Variants in GGA1 observed in about 807,000 individuals in gnomAD.
GGA1 encodes golgi associated, gamma adaptin ear containing, ARF binding protein 1, also known as ADP-ribosylation factor-binding protein GGA1.
In GGA1, 18 loss-of-function variants were observed where a neutral mutation model predicts 76.9. The observed-to-expected ratio is 0.23, with a 90% CI of 0.16 to 0.35. The LOEUF is 0.35. Ranked by LOEUF, GGA1 falls within the 10% of genes least tolerant of loss-of-function variation. The pLI is 1.00. For missense variants in GGA1, 755 were observed against 859.0 expected (o/e 0.88, Z 1.51); for synonymous variants, 342 against 354.7 (o/e 0.96, Z 0.40).
intron 11 of GGA1, chr22:37,626,660 CTG>C (rs1166159008): frequency 6.6e-6 from 1 of 152,258 alleles, no homozygotes; most frequent in Non-Finnish European, 1.5e-5. Flanking sequence ...AAGATTCAGA[CTG>C]TGGTTTCCTG....
chr22:37,617,639 C>T, intron 3 of GGA1: 1 of 681,924 alleles, frequency 1.5e-6, no homozygotes, highest in Non-Finnish European at 1.8e-6. Flanking sequence ...TTCAAGGCTA[C>T]AGTGAGCTAT....
intron 3 of GGA1, chr22:37,617,881 G>T (rs1029725966): frequency 5.3e-6 from 2 of 374,204 alleles, no homozygotes; most frequent in African/African-American, 4.4e-5. Flanking sequence ...CAGCACTTTG[G>T]CAGGCTGAGG....
At chr22:37,609,089 G>A in intron 1 of GGA1, 186 bp downstream of exon 1, 1 of 1,491,160 alleles carries the variant, frequency 6.7e-7, no homozygotes, top group Middle Eastern at 1.8e-4. Flanking sequence ...CCCCGGCGCG[G>A]TCCAGCGGTG....
Position 37,623,813 on chromosome 22 carries a change from T to C in GGA1, c.832+180T>C, listed in dbSNP as rs1256589560. On this transcript the variant is annotated intron_variant, in intron 9 of 16. Transcript: ENST00000343632. This position sits in a 1 kb window ranked among gnomAD's most constrained non-coding sequence, Gnocchi z 4.6. ...GGACACAGAGCAGGGGCCGCCCCCC[T>C]GTTGAGAGGCCCTGTGGGCCAGCCC... The C allele has an allele frequency of 6.8e-6, 4 of 585,140 alleles. No individual in the cohort carries two copies. Among genetic ancestry groups the C allele is most frequent in the African/African-American group, 1.9e-5 (1 of 53,232 alleles). 36.2% of individuals were successfully genotyped at this position (585,140 alleles called of 1,614,324 possible).
rs1483460229 is a variant in GGA1 at position 37,623,752 on chromosome 22, C to G, written c.832+119C>G. On this transcript the variant is annotated intron_variant, in intron 9 of 16. Coordinates refer to ENST00000343632, the MANE Select transcript of GGA1 (RefSeq NM_013365.5). This position sits in a 1 kb window ranked among gnomAD's most constrained non-coding sequence, Gnocchi z 4.6. ...GAAGGAGCCACCACCAGGGGGCCCC[C>G]TTCTCCAGCACCGACCTTGGGTTTC... 1 of 710,024 alleles carries G rather than the reference C, an allele frequency of 1.4e-6. No individual in the cohort carries two copies. The highest frequency in any genetic ancestry group is 2.5e-6 in the Non-Finnish European group (1 of 407,754). 44.0% of individuals were successfully genotyped at this position (710,024 alleles called of 1,614,324 possible). A position where few individuals can be genotyped will look rare whatever the true frequency, so the allele number is the denominator to read the frequency against.
Position 37,624,476 on chromosome 22 carries a change from A to G in GGA1, c.833-493A>G, listed in dbSNP as rs1026566183. The G allele has an allele frequency of 2.6e-5, 4 of 151,976 alleles. No individual in the cohort carries two copies. Among genetic ancestry groups the G allele is most frequent in the East Asian group, 3.8e-4 (2 of 5,198 alleles). The allele number at this position is 151,976 out of a possible 1,614,324, so 9.4% of individuals were successfully genotyped here. On this transcript the variant is annotated intron_variant, in intron 9 of 16. Coordinates refer to ENST00000343632, the MANE Select transcript of GGA1 (RefSeq NM_013365.5). This position sits in a 1 kb window ranked among gnomAD's most constrained non-coding sequence, Gnocchi z 4.3. ...TTAAAAAAAAAAAAAAAAGGTTGACAAAAACTTCCTCATGGTAGTTTAGTG... is the reference window on the plus strand; with the variant it reads ...TTAAAAAAAAAAAAAAAAGGTTGACGAAAACTTCCTCATGGTAGTTTAGTG...
rs1601541415 is a variant in GGA1 at position 37,624,598 on chromosome 22, G to A, written c.833-371G>A. On this transcript the variant is annotated intron_variant, in intron 9 of 16. Coordinates refer to ENST00000343632, the MANE Select transcript of GGA1 (RefSeq NM_013365.5). This position sits in a 1 kb window ranked among gnomAD's most constrained non-coding sequence, Gnocchi z 4.3. ...AGAAGCAGGGAAGGGATGAGGTGGT[G>A]CAGGAGGGATTTAGGACAGGCCTCC... is the stretch of plus-strand genomic sequence containing the variant. 4.8e-6 allele frequency: 1 copy of A among 206,510 alleles called. No individual in the cohort carries two copies. Among genetic ancestry groups the A allele is most frequent in the East Asian group, 1.1e-4 (1 of 9,260 alleles). 12.8% of individuals were successfully genotyped at this position (206,510 alleles called of 1,614,324 possible).
intron 1 of GGA1, 188 bp downstream of exon 1, chr22:37,609,091 C>T (rs1251425068): frequency 1.3e-6 from 2 of 1,491,754 alleles, no homozygotes; most frequent in South Asian, 2.5e-5. Context: ...CCGGCGCGGT[C>T]CAGCGGTGGG....
At chr22:37,617,120 C>G (rs1010884964) in intron 3 of GGA1, 123 bp downstream of exon 3, 42 of 1,520,478 alleles carry the variant, frequency 2.8e-5, no homozygotes, top group Admixed American at 4.6e-5. Flanking sequence ...TAAGATGGCC[C>G]AGGATGGAGG....
chr22:37,613,204 C>G (rs923403131), intron 1 of GGA1: 2 of 972,968 alleles, frequency 2.1e-6, no homozygotes, highest in African/African-American at 1.8e-5. Context: ...AAGACTCACA[C>G]TCCTTACTGA....
Position 37,632,180 on chromosome 22 carries a change from G to T in GGA1, c.1698+15G>T. 1.2e-6 allele frequency: 2 copies of T among 1,603,162 alleles called. No individual in the cohort carries two copies. Among genetic ancestry groups the T allele is most frequent in the Non-Finnish European group, 1.7e-6 (2 of 1,171,962 alleles). ...CTGTCCCCAAGGTGACAAGCCAGTCGGACAGGGCATGCCTCCCTCCTCTCA... is the reference window on the plus strand; with the variant it reads ...CTGTCCCCAAGGTGACAAGCCAGTCTGACAGGGCATGCCTCCCTCCTCTCA... On this transcript the variant is annotated intron_variant, in intron 15 of 16. Transcript: ENST00000343632. This position sits in a 1 kb window ranked among gnomAD's most constrained non-coding sequence, Gnocchi z 5.1.
In GGA1 at chr22:37,625,687, A is replaced by G; in HGVS notation, c.941-110A>G. 1 of 778,492 alleles carries G rather than the reference A, an allele frequency of 1.3e-6. No individual in the cohort carries two copies. The allele number at this position is 778,492 out of a possible 1,614,324, so 48.2% of individuals were successfully genotyped here. On this transcript the variant is annotated intron_variant, in intron 10 of 16. Transcript: ENST00000343632. This position sits in a 1 kb window ranked among gnomAD's most constrained non-coding sequence, Gnocchi z 4.1. ...GTGTGGCCAAGGAAGGGGAGGCAGGAGACCAGTGGTAAAGCATCGGGGGTT... is the reference window on the plus strand; with the variant it reads ...GTGTGGCCAAGGAAGGGGAGGCAGGGGACCAGTGGTAAAGCATCGGGGGTT...
intron 4 of GGA1, 133 bp downstream of exon 4, chr22:37,618,679 A>C: frequency 8.2e-6 from 5 of 611,714 alleles, no homozygotes; most frequent in Non-Finnish European, 1.2e-5. Context: ...ATTAGAACTC[A>C]GACCTAGGAA....
At chr22:37,612,772 C>CA (rs760463178) in intron 1 of GGA1, 15,804 of 248,412 alleles carry the variant, frequency 0.064, 62 homozygotes, top group Non-Finnish European at 0.071. Context: ...AGACTCGTCT[C>CA]AAAAAAAAAA....
Position 37,630,056 on chromosome 22 carries a change from G to T in GGA1, c.1217G>T (p.Ser406Ile). The T allele has an allele frequency of 6.2e-7, 1 of 1,606,582 alleles. No homozygotes were observed. Among genetic ancestry groups the T allele is most frequent in the Non-Finnish European group, 8.5e-7 (1 of 1,174,946 alleles). The change falls in exon 13 of 17, where the codon AGC (serine) becomes ATC (isoleucine). Residue 406 changes from serine (S) to isoleucine (I), a missense_variant. By Grantham distance (142) the Ser-to-Ile change is moderately radical (BLOSUM62 -2). Transcript: ENST00000343632. ...PALAQAPSME[S>I]RPPAQTSLPA... ...CTGGCCCAGGCCCCCAGTATGGAAA[G>T]CCGACCCCCAGCGCAGACATCCCTG...
chr22:37,609,527 A>G (rs1258589872), intron 1 of GGA1, among the ~76,000 whole-genome samples: 2 of 151,792 alleles, frequency 1.3e-5, no homozygotes, highest in African/African-American at 4.8e-5. Context: ...GCTCCCTGTC[A>G]CTCCCTTCAG....
chr22:37,609,495 C>T (rs1017192285), intron 1 of GGA1: 2 of 180,270 alleles, frequency 1.1e-5, no homozygotes, highest in South Asian at 2.4e-4. Flanking sequence ...GTCTTAGACT[C>T]CAGAAGTATT....
chr22:37,616,703 T>C (rs915574557), intron 2 of GGA1, among the ~76,000 whole-genome samples: 3 of 152,104 alleles, frequency 2.0e-5, no homozygotes, highest in Non-Finnish European at 1.5e-5. Context: ...TGCCACAATC[T>C]CAGGCCATAA....
chr22:37,609,418 T>G, intron 1 of GGA1: 2 of 745,536 alleles, frequency 2.7e-6, no homozygotes, highest in Non-Finnish European at 3.4e-6. Flanking sequence ...CCCCATTTGA[T>G]TCCTCCCGCC....
Sources: allele counts gnomAD v4.1 joint callset (sites outside exome capture counted in the v4.1 genomes callset), GRCh38; gene constraint gnomAD v4.1.1; non-coding constraint Gnocchi (gnomAD v3.1); transcripts MANE v1.5; gene names NCBI Gene and HGNC (gene_info 2026-07-23, HGNC 2026-07-21).